Variants in PCBP3 observed in about 807,000 individuals in gnomAD.
The protein encoded by PCBP3 is poly(rC) binding protein 3.
PCBP3 carries 25 observed loss-of-function variants against 52.7 expected under a neutral mutation model. The observed-to-expected ratio is 0.47, with a 90% CI of 0.35 to 0.66. The LOEUF (loss-of-function observed/expected upper bound fraction) is 0.66, where lower values mean the gene tolerates loss of function less well. Among genes scored for constraint, PCBP3 ranks in the 30% least tolerant of loss-of-function variants. The pLI is 0.01. For missense variants in PCBP3, 391 were observed against 490.3 expected (o/e 0.80, Z 1.91); for synonymous variants, 162 against 183.0 (o/e 0.89, Z 0.93).
chr21:45,917,427 C>T lies in PCBP3; in HGVS notation c.676-161C>T. The T allele has an allele frequency of 1.6e-6, 1 of 621,482 alleles. No homozygotes were observed. Among genetic ancestry groups the T allele is most frequent in the South Asian group, 1.9e-5 (1 of 52,100 alleles). The allele number at this position is 621,482 out of a possible 1,614,324, so 38.5% of individuals were successfully genotyped here. A position where few individuals can be genotyped will look rare whatever the true frequency, so the allele number is the denominator to read the frequency against. On this transcript the variant is annotated intron_variant, in intron 12 of 17. Coordinates refer to ENST00000681687, the MANE Select transcript of PCBP3 (RefSeq NM_001384156.1). This position sits in a 1 kb window ranked among gnomAD's most constrained non-coding sequence, Gnocchi z 5.3. Reference sequence around the variant, plus strand: ...GCGGCTCCCCTGGGGCTCCTGGTGCCCTGGGAGGGTTGGCCCTTTGTCCTA... The same window carrying T: ...GCGGCTCCCCTGGGGCTCCTGGTGCTCTGGGAGGGTTGGCCCTTTGTCCTA...
At chr21:45,923,583 GC>G (rs2074792748) in intron 13 of PCBP3, among the ~76,000 whole-genome samples, 1 of 152,282 alleles carries the variant, frequency 6.6e-6, no homozygotes, top group South Asian at 2.1e-4. Flanking sequence ...CGACTCACTG[GC>G]CCGTGGAGGT....
At position 45,736,231 on chromosome 21, in the gene PCBP3, G is replaced by A. The variant is rs964826801; in HGVS notation, c.-162+802G>A. On this transcript the variant is annotated intron_variant, in intron 3 of 17. Coordinates refer to ENST00000681687, the MANE Select transcript of PCBP3 (RefSeq NM_001384156.1). The surrounding 1 kb of genome is among the most constrained non-coding windows in gnomAD (Gnocchi z 4.6). ...TTCCTCCCAGTGCCCCTTTGAGATA[G>A]GGATTGTTATTCCCTGAGGCTTGGC... is the stretch of plus-strand genomic sequence containing the variant. Among the ~76,000 whole-genome samples, 1 of 152,204 alleles carries A rather than the reference G, an allele frequency of 6.6e-6. No homozygotes were observed. The highest frequency in any genetic ancestry group is 6.5e-5 in the Admixed American group (1 of 15,288).
chr21:45,712,082 A>G (rs1182285551), intron 2 of PCBP3, among the ~76,000 whole-genome samples: 1 of 152,148 alleles, frequency 6.6e-6, no homozygotes, highest in Non-Finnish European at 1.5e-5. Context: ...TTGATAGTTC[A>G]TTTCTTTTTA....
chr21:45,892,716 G>A (rs142803558), intron 5 of PCBP3, among the ~76,000 whole-genome samples: 155 of 152,216 alleles, frequency 1.0e-3, no homozygotes, highest in African/African-American at 3.1e-3. Context: ...TGTGTCCTCC[G>A]TGAGGAGATC....
chr21:45,644,212 A>C (rs1351953447), intron 1 of PCBP3, among the ~76,000 whole-genome samples: 3 of 151,590 alleles, frequency 2.0e-5, no homozygotes, highest in Non-Finnish European at 2.9e-5. Flanking sequence ...TTCAGTTTCA[A>C]AACGGCACAA....
rs974699868 is a variant in PCBP3 at position 45,899,512 on chromosome 21, T to C, written c.166-87T>C. 10 of 958,698 alleles carry C rather than the reference T, an allele frequency of 1.0e-5. No individual in the cohort carries two copies. The African/African-American group carries it at 1.5e-4, about 14-fold the overall frequency. The allele number at this position is 958,698 out of a possible 1,614,324, so 59.4% of individuals were successfully genotyped here. On this transcript the variant is annotated intron_variant, in intron 6 of 17. Coordinates refer to ENST00000681687, the MANE Select transcript of PCBP3 (RefSeq NM_001384156.1). ...CCCTTCTGCACTCATACCGGGAAGGTAGGCAGGTTTCGGTAGTGTCTGCCT... is the reference window on the plus strand; with the variant it reads ...CCCTTCTGCACTCATACCGGGAAGGCAGGCAGGTTTCGGTAGTGTCTGCCT...
intron 15 of PCBP3, among the ~76,000 whole-genome samples, chr21:45,931,872 T>C (rs909308455): frequency 6.6e-6 from 1 of 151,392 alleles, no homozygotes; most frequent in Non-Finnish European, 1.5e-5. Flanking sequence ...CGTCCTGAGA[T>C]GAATGAACAC....
intron 5 of PCBP3, among the ~76,000 whole-genome samples, chr21:45,886,944 G>A (rs1324671113): frequency 6.6e-6 from 1 of 152,204 alleles, no homozygotes; most frequent in African/African-American, 2.4e-5. Context: ...CGTGGGTGGG[G>A]AGGGGCACCG....
intron 4 of PCBP3, among the ~76,000 whole-genome samples, chr21:45,815,870 C>CAGTGGTG (rs1407144749): frequency 3.3e-5 from 1 of 30,584 alleles, no homozygotes; most frequent in Admixed American, 4.1e-4. Context: ...AGTGGTGAGT[C>CAGTGGTG]AGTGGTGAGT....
chr21:45,909,298 C>A, intron 9 of PCBP3, 57 bp from the exon 10 acceptor site: 1 of 1,570,178 alleles, frequency 6.4e-7, no homozygotes, highest in Non-Finnish European at 8.7e-7. Context: ...CCCTGCCCTC[C>A]TGCTTTCTCA....
chr21:45,925,912 G>GTGAA (rs1195913343), intron 13 of PCBP3, among the ~76,000 whole-genome samples: 1 of 152,214 alleles, frequency 6.6e-6, no homozygotes, highest in Non-Finnish European at 1.5e-5. Context: ...GTAGACAAGT[G>GTGAA]TGAAGAAGGC....
intron 4 of PCBP3, among the ~76,000 whole-genome samples, chr21:45,843,117 A>G (rs2093732087): frequency 6.7e-6 from 1 of 148,936 alleles, no homozygotes; most frequent in African/African-American, 2.5e-5. Context: ...CCAAATCCCA[A>G]GGGCCCAGCC....
chr21:45,832,238 G>A (rs2093469447), intron 4 of PCBP3, among the ~76,000 whole-genome samples: 1 of 152,174 alleles, frequency 6.6e-6, no homozygotes, highest in African/African-American at 2.4e-5. Flanking sequence ...AACTGTTATG[G>A]TGCTGGTGAG....
intron 13 of PCBP3, among the ~76,000 whole-genome samples, chr21:45,919,865 G>A (rs1441581276): frequency 6.6e-6 from 1 of 152,220 alleles, no homozygotes; most frequent in African/African-American, 2.4e-5. Context: ...CCCCGTGCAT[G>A]TGTGTGGCAG....
intron 2 of PCBP3, among the ~76,000 whole-genome samples, chr21:45,681,268 A>C (rs1465196412): frequency 6.6e-6 from 1 of 152,210 alleles, no homozygotes; most frequent in Non-Finnish European, 1.5e-5. Flanking sequence ...TCACAAATAG[A>C]TGTTGGATTT....
intron 13 of PCBP3, among the ~76,000 whole-genome samples, chr21:45,924,008 C>T (rs1247854846): frequency 9.1e-6 from 1 of 110,372 alleles, no homozygotes; most frequent in Admixed American, 8.2e-5. Context: ...CACGTAAGAT[C>T]GGGTGTGCAC....
rs2083324295 is a variant in PCBP3, at chr21:45,704,540, C to T, written c.-199-30852C>T. Among the ~76,000 whole-genome samples, 1 of 152,092 alleles carries T rather than the reference C, an allele frequency of 6.6e-6. No homozygotes were observed. The highest frequency in any genetic ancestry group is 1.5e-5 in the Non-Finnish European group (1 of 68,020). On this transcript the variant is annotated intron_variant, in intron 2 of 17. Coordinates refer to ENST00000681687, the MANE Select transcript of PCBP3 (RefSeq NM_001384156.1). The surrounding 1 kb of genome is among the most constrained non-coding windows in gnomAD (Gnocchi z 4.1). The stretch of plus-strand genomic sequence containing the variant: ...GGCTCCAGGGGAGTGCTGTCTGCTG[C>T]TGGCGGTGGGGGGCGGTGATCGGAT...
intron 4 of PCBP3, among the ~76,000 whole-genome samples, chr21:45,814,377 GGGTGAGT>G (rs758097301): frequency 1.4e-4 from 21 of 150,696 alleles, no homozygotes; most frequent in Non-Finnish European, 2.1e-4. Context: ...AGTGAGTGGT[GGGTGAGT>G]GGTGAGTGAT....
intron 2 of PCBP3, among the ~76,000 whole-genome samples, chr21:45,718,729 G>C (rs1338863231): frequency 1.3e-5 from 2 of 152,120 alleles, no homozygotes; most frequent in Non-Finnish European, 2.9e-5. Context: ...AATTTTGCCA[G>C]GGTTCTCATT....
Sources: gnomAD v4.1 joint callset for allele counts (sites outside exome capture counted in the v4.1 genomes callset) on GRCh38, gnomAD v4.1.1 for gene constraint, Gnocchi (gnomAD v3.1) non-coding constraint, MANE v1.5 for transcripts, NCBI Gene and HGNC (gene_info 2026-07-23, HGNC 2026-07-21) for gene names.